The following TNS3 variants were observed in gnomAD, a reference collection of about 807,000 sequenced individuals.
The protein encoded by TNS3 is tensin 3, also known as tensin-3.
In TNS3, 45 loss-of-function variants were observed where a neutral mutation model predicts 140.9. The ratio of observed to expected loss-of-function variants is 0.32; its 90% CI spans 0.25 to 0.41. The LOEUF is 0.41. TNS3 is among the 10% of genes least tolerant of loss of function. The probability of loss-of-function intolerance (pLI) is 1.00; values close to 1 mark genes in which losing one functional copy is unlikely to be tolerated. For missense variants in TNS3, 1,716 were observed against 1,906.7 expected, an observed-to-expected ratio of 0.90 and a Z score of 1.86; for synonymous variants, 815 against 788.4, an observed-to-expected ratio of 1.03 and a Z score of -0.56.
At chr7:47,512,674 T>A (rs947558414) in intron 2 of TNS3, among the ~76,000 whole-genome samples, 7 of 152,026 alleles carry the variant, frequency 4.6e-5, no homozygotes, top group African/African-American at 1.7e-4. Context: ...ACCTCACAAC[T>A]CAGACAGAAA....
intron 20 of TNS3, among the ~76,000 whole-genome samples, chr7:47,312,721 TA>T (rs1328668621): frequency 9.1e-6 from 1 of 110,476 alleles, no homozygotes; most frequent in Non-Finnish European, 1.7e-5. Context: ...AAAATAAAAA[TA>T]AAAAAATAAA....
chr7:47,288,386 A>G (rs1479117222), intron 27 of TNS3, among the ~76,000 whole-genome samples: 2 of 152,350 alleles, frequency 1.3e-5, no homozygotes, highest in East Asian at 3.9e-4. Context: ...GCTTTCTTGA[A>G]CACTGCCGAT....
chr7:47,581,211 A>T (rs10258936), intron 1 of TNS3, among the ~76,000 whole-genome samples: 135,513 of 151,938 alleles, frequency 0.89, 62,590 homozygotes, highest in East Asian at 1. Context: ...GCACCGACAC[A>T]GAGACCCCTG....
chr7:47,460,739 G>A (rs1280426078), intron 4 of TNS3, among the ~76,000 whole-genome samples: 1 of 152,234 alleles, frequency 6.6e-6, no homozygotes, highest in Non-Finnish European at 1.5e-5. Flanking sequence ...AGAGGCAGTG[G>A]GGAAAACAAT....
intron 1 of TNS3, among the ~76,000 whole-genome samples, chr7:47,566,963 G>A (rs759320236): frequency 1.3e-5 from 2 of 149,758 alleles, no homozygotes; most frequent in Non-Finnish European, 3.0e-5. Flanking sequence ...AAACAGGGAG[G>A]GAGGTTGCAG....
chr7:47,385,048 C>A (rs1044891184), intron 16 of TNS3, among the ~76,000 whole-genome samples: 1 of 152,240 alleles, frequency 6.6e-6, no homozygotes. Flanking sequence ...AACAGACAAC[C>A]TCGCCTGCCT....
At chr7:47,379,148 A>T (rs1477312808) in intron 16 of TNS3, among the ~76,000 whole-genome samples, 1 of 152,160 alleles carries the variant, frequency 6.6e-6, no homozygotes, top group Non-Finnish European at 1.5e-5. Flanking sequence ...GAGGGGAGGT[A>T]CGGGTAGCCC....
intron 16 of TNS3, 45 bp downstream of exon 16, chr7:47,396,755 T>G: frequency 1.3e-6 from 2 of 1,485,268 alleles, no homozygotes; most frequent in Non-Finnish European, 1.9e-6. Context: ...CTGTCTTCCC[T>G]GTGCCCTTTG....
chr7:47,365,189 G>A (rs371140098), intron 17 of TNS3, among the ~76,000 whole-genome samples: 3 of 152,302 alleles, frequency 2.0e-5, no homozygotes, highest in East Asian at 3.9e-4. Context: ...GCTCATGCCT[G>A]TAATCCCAGC....
intron 10 of TNS3, among the ~76,000 whole-genome samples, chr7:47,417,343 G>T (rs1794136250): frequency 6.6e-6 from 1 of 152,220 alleles, no homozygotes; most frequent in Non-Finnish European, 1.5e-5. Flanking sequence ...CCTGACACCA[G>T]ACGAAGCACG....
intron 4 of TNS3, among the ~76,000 whole-genome samples, chr7:47,458,546 A>C (rs1796349929): frequency 6.6e-6 from 1 of 152,210 alleles, no homozygotes; most frequent in African/African-American, 2.4e-5. Context: ...TGTAATATAA[A>C]ACAAGATGAA....
intron 4 of TNS3, among the ~76,000 whole-genome samples, chr7:47,462,840 C>T (rs1562771951): frequency 6.6e-6 from 1 of 152,170 alleles, no homozygotes; most frequent in Non-Finnish European, 1.5e-5. Context: ...CTCCCTGCCT[C>T]TCCGGTTTGT....
intron 28 of TNS3, among the ~76,000 whole-genome samples, chr7:47,282,932 T>TG (rs937018915): frequency 1.3e-5 from 2 of 151,724 alleles, no homozygotes; most frequent in African/African-American, 2.4e-5. Flanking sequence ...ATGGGGGCCC[T>TG]GCTCGGGGAG....
chr7:47,448,757 G>A (rs981588446), intron 4 of TNS3, among the ~76,000 whole-genome samples: 27 of 152,200 alleles, frequency 1.8e-4, no homozygotes, highest in Admixed American at 9.2e-4. Context: ...GATTGCAGGC[G>A]TAAGCCACCG....
intron 8 of TNS3, 82 bp from the exon 9 acceptor site, chr7:47,428,458 G>T: frequency 9.4e-7 from 1 of 1,065,836 alleles, no homozygotes; most frequent in Non-Finnish European, 1.3e-6. Context: ...ACTCACTAGT[G>T]GACAAAACAA....
At chr7:47,297,249 C>G in intron 23 of TNS3, 36 bp from the exon 24 acceptor site, 1 of 1,587,620 alleles carries the variant, frequency 6.3e-7, no homozygotes, top group Non-Finnish European at 8.6e-7. Context: ...GAAGGTCTGC[C>G]GGGTGGACAA....
intron 8 of TNS3, among the ~76,000 whole-genome samples, chr7:47,432,553 G>A (rs182224660): frequency 5.4e-4 from 83 of 152,352 alleles, no homozygotes; most frequent in African/African-American, 1.7e-3. Flanking sequence ...CTGCCAGAAA[G>A]CTGAAGAAAT....
chr7:47,455,108 C>T (rs1437109372), intron 4 of TNS3, among the ~76,000 whole-genome samples: 1 of 152,212 alleles, frequency 6.6e-6, no homozygotes, highest in East Asian at 1.9e-4. Context: ...CTGGTCCTGT[C>T]CACATGGGAT....
In TNS3 at chr7:47,398,028, A is replaced by G. The variant is rs111373551; in HGVS notation, c.920-1124T>C. 6.5e-3 allele frequency among the ~76,000 whole-genome samples: 993 copies of G among 152,316 alleles called. 11 individuals carry two copies. The highest frequency in any genetic ancestry group is 0.023 in the African/African-American group (951 of 41,570). ...CGAAAGATCATTCAAGACTATTATG[A>G]ACACCTTTATGTATATAAACTACAA... is the stretch of plus-strand genomic sequence containing the variant. On this transcript the variant is annotated intron_variant, in intron 15 of 30. Transcript: ENST00000311160.
Sources: allele counts gnomAD v4.1 joint callset (sites outside exome capture counted in the v4.1 genomes callset), GRCh38; gene constraint gnomAD v4.1.1; transcripts MANE v1.5; gene names NCBI Gene and HGNC (gene_info 2026-07-23, HGNC 2026-07-21).